RASSF4: variants seen among roughly 807,000 people sequenced by gnomAD.
RASSF4 encodes Ras association domain family member 4, also known as ras association domain-containing protein 4.
RASSF4 carries 38 observed loss-of-function variants against 41.1 expected under a neutral mutation model. That is an observed-to-expected ratio of 0.92 (90% CI 0.71 to 1.21). The LOEUF (loss-of-function observed/expected upper bound fraction) is 1.21. RASSF4 is among the 50% of genes most tolerant of loss of function. The pLI, the probability that RASSF4 is intolerant of heterozygous loss-of-function variation, is 0.00. For missense variants in RASSF4, 414 were observed against 419.4 expected (o/e 0.99, Z 0.11); for synonymous variants, 179 against 163.4 (o/e 1.10, Z -0.73).
intron 6 of RASSF4, among the ~76,000 whole-genome samples, chr10:44,985,274 C>T (rs1841882154): frequency 1.3e-5 from 2 of 152,166 alleles, no homozygotes; most frequent in South Asian, 2.1e-4. Flanking sequence ...CCCCCGAACT[C>T]GATTGGTTGA....
rs199661109 is a variant in RASSF4 at position 44,991,929 on chromosome 10, A to G, written c.832A>G (p.Met278Val). Residue 278 changes from methionine (M) to valine (V), a missense_variant, in exon 10 of 11, where the codon ATG becomes GTG. Met to Val is a conservative substitution (Grantham distance 21, BLOSUM62 1). Coordinates refer to ENST00000340258, the MANE Select transcript of RASSF4 (RefSeq NM_032023.4). ...HEVAQYIKFE[M>V]PVLDSFVEKL... Reference sequence around the variant, plus strand: ...GGTCGCTCAGTACATTAAGTTTGAAATGCCGGTGCTGGACAGTTTTGTTGA... The same window carrying G: ...GGTCGCTCAGTACATTAAGTTTGAAGTGCCGGTGCTGGACAGTTTTGTTGA... 3 of 1,613,378 alleles carry G rather than the reference A, an allele frequency of 1.9e-6. No individual in the cohort carries two copies. Among genetic ancestry groups the G allele is most frequent in the Non-Finnish European group, 2.5e-6 (3 of 1,179,352 alleles).
At position 44,989,642 on chromosome 10, in the gene RASSF4, ATCTGACTTCC is replaced by A. The variant is rs1294841497; in HGVS notation, c.634-26_634-17del. On this transcript the variant is annotated intron_variant, in intron 7 of 10. Transcript: ENST00000340258. ...TTCTCTCCCATCTCCAAGCACCGTG[ATCTGACTTCC>A]TGTGACTGCCTGTGCAGGTGGAAGA... 1 of 1,612,030 alleles carries A rather than the reference ATCTGACTTCC, an allele frequency of 6.2e-7. No individual in the cohort carries two copies. Among genetic ancestry groups the A allele is most frequent in the Non-Finnish European group, 8.5e-7 (1 of 1,178,208 alleles).
In RASSF4 at chr10:44,993,278, C is replaced by G. The variant is rs116664152; in HGVS notation, c.915C>G (p.Ala305=). The change falls in exon 11 of 11, where the codon GCC becomes GCG. Residue 305 remains alanine, a synonymous_variant. Transcript: ENST00000340258. The part of the protein sequence containing the change: ...EIIKLTMKFQ[A]LRLTMLQRLE... ...CGATGTCTCCCTCCAGGTTCCAAGC[C>G]CTGCGTCTGACGATGCTGCAGCGCC... The G allele has an allele frequency of 1.1e-5, 17 of 1,609,532 alleles. No individual in the cohort carries two copies. The highest frequency in any genetic ancestry group is 1.4e-5 in the Non-Finnish European group (16 of 1,179,650).
chr10:44,984,226 G>T, intron 5 of RASSF4, 113 bp downstream of exon 5: 1 of 1,062,078 alleles, frequency 9.4e-7, no homozygotes, highest in Non-Finnish European at 1.3e-6. Context: ...AGCCAACGAG[G>T]GGCTTCACCT....
chr10:44,980,077 G>T (rs1474713088), intron 3 of RASSF4, among the ~76,000 whole-genome samples: 1 of 152,166 alleles, frequency 6.6e-6, no homozygotes, highest in African/African-American at 2.4e-5. Context: ...GCAGGTGGGG[G>T]AGAAAGAGGA....
chr10:44,989,146 CG>C (rs1419186992), intron 6 of RASSF4, 127 bp from the exon 7 acceptor site: 1 of 625,386 alleles, frequency 1.6e-6, no homozygotes, highest in Non-Finnish European at 2.9e-6. Context: ...TGTGCATCAG[CG>C]TGAATGGACA....
chr10:44,982,490 G>C (rs764820443), intron 3 of RASSF4, 31 bp from the exon 4 acceptor site: 3 of 1,605,958 alleles, frequency 1.9e-6, no homozygotes, highest in East Asian at 2.2e-5. Flanking sequence ...CAGCTGCTCT[G>C]GGGGAAGGGC....
chr10:44,982,242 C>T (rs140270741), intron 3 of RASSF4: 102 of 481,098 alleles, frequency 2.1e-4, no homozygotes, highest in African/African-American at 1.7e-3. Context: ...ACGTGCCTGC[C>T]GGCCAGCAGC....
intron 3 of RASSF4, chr10:44,977,551 A>T: frequency 6.2e-7 from 1 of 1,613,442 alleles, no homozygotes; most frequent in South Asian, 1.1e-5. Flanking sequence ...TTGCCAGGGA[A>T]TGCCCAGGCA....
At chr10:44,987,030 G>A (rs1001495401) in intron 6 of RASSF4, among the ~76,000 whole-genome samples, 32 of 152,306 alleles carry the variant, frequency 2.1e-4, no homozygotes, top group African/African-American at 7.2e-4. Flanking sequence ...TTGAGAAAAG[G>A]CTTCGTGCAG....
chr10:44,970,466 G>A, intron 2 of RASSF4: 2 of 568,772 alleles, frequency 3.5e-6, no homozygotes, highest in South Asian at 4.6e-5. Flanking sequence ...TGGGAGGCAT[G>A]GGCAATAGAA....
intron 3 of RASSF4, among the ~76,000 whole-genome samples, chr10:44,975,974 C>T (rs914701): frequency 0.57 from 86,204 of 151,706 alleles, 25,149 homozygotes; most frequent in Non-Finnish European, 0.64. Context: ...CCAGCAAGCC[C>T]GGACCTCAAC....
At chr10:44,986,198 G>A (rs1030165865) in intron 6 of RASSF4, among the ~76,000 whole-genome samples, 4 of 152,140 alleles carry the variant, frequency 2.6e-5, no homozygotes, top group African/African-American at 7.2e-5. Flanking sequence ...GTGGGGGCAG[G>A]GATGTTTTGC....
chr10:44,987,858 G>T (rs950069531), intron 6 of RASSF4, among the ~76,000 whole-genome samples: 2 of 152,022 alleles, frequency 1.3e-5, no homozygotes, highest in Non-Finnish European at 2.9e-5. Context: ...TCTTGTATAT[G>T]CCCTGGGAAA....
rs566698012 is a variant in RASSF4 at position 44,991,549 on chromosome 10, G to A, written c.808-356G>A. ...CTCAAGTAGGAGGCCTAGTGACCCC[G>A]TATCCCTCAGGCTGCTGCAATTGCA... On this transcript the variant is annotated intron_variant, in intron 9 of 10. Coordinates refer to ENST00000340258, the MANE Select transcript of RASSF4 (RefSeq NM_032023.4). 3.3e-5 allele frequency among the ~76,000 whole-genome samples: 5 copies of A among 152,298 alleles called. No individual in the cohort carries two copies. In the East Asian group the frequency reaches 7.7e-4, roughly 23 times the overall value.
At chr10:44,983,304 G>T in intron 4 of RASSF4, 1 of 233,684 alleles carries the variant, frequency 4.3e-6, no homozygotes, top group Non-Finnish European at 8.6e-6. Context: ...TGCTGTGACA[G>T]CACCCACCAC....
In RASSF4 at chr10:44,982,512, C is replaced by T. The variant is rs751241778; in HGVS notation, c.139-9C>T. On this transcript the variant is annotated splice_polypyrimidine_tract_variant and intron_variant, in intron 3 of 10. Coordinates refer to ENST00000340258, the MANE Select transcript of RASSF4 (RefSeq NM_032023.4). ...TCTGGGGGAAGGGCTGATGTGTGGA[C>T]CCCCACAGGAAGAAGGGACTCTGAT... 5.6e-6 allele frequency: 9 copies of T among 1,609,994 alleles called. No homozygotes were observed. In the South Asian group the frequency reaches 9.9e-5, roughly 18 times the overall value.
Position 44,970,057 on chromosome 10 carries a change from G to A in RASSF4, c.-38-108G>A, listed in dbSNP as rs1280838523. ...CGCAGCCACCTTGTGCCAAGGCGGT[G>A]TGATGCCAAGGCCGACGGTGTCTGT... On this transcript the variant is annotated intron_variant, in intron 1 of 10. Transcript: ENST00000340258. The A allele has an allele frequency of 9.9e-6, 7 of 704,504 alleles. No individual in the cohort carries two copies. The Admixed American group carries it at 1.3e-4, about 13-fold the overall frequency. The allele number at this position is 704,504 out of a possible 1,614,324, so 43.6% of individuals were successfully genotyped here. A position where few individuals can be genotyped will look rare whatever the true frequency, so the allele number is the denominator to read the frequency against.
At chr10:44,968,400 T>C (rs74128119) in intron 1 of RASSF4, among the ~76,000 whole-genome samples, 4,131 of 152,260 alleles carry the variant, frequency 0.027, 172 homozygotes, top group African/African-American at 0.095. Context: ...CAGGCCTTGC[T>C]GCTGGGGGCC....
Sources: allele counts gnomAD v4.1 joint callset (sites outside exome capture counted in the v4.1 genomes callset), GRCh38; gene constraint gnomAD v4.1.1; transcripts MANE v1.5; gene names NCBI Gene and HGNC (gene_info 2026-07-23, HGNC 2026-07-21).